The following PLEC variants were observed in gnomAD, a reference collection of about 807,000 sequenced individuals.
PLEC encodes the protein hemidesmosomal protein 1.
In PLEC, 216 loss-of-function variants were observed where a neutral mutation model predicts 392.8. That is an observed-to-expected ratio of 0.55 (90% confidence interval 0.49 to 0.62). The LOEUF (loss-of-function observed/expected upper bound fraction) is 0.62, where lower values mean the gene tolerates loss of function less well. Among genes scored for constraint, PLEC ranks in the 20% least tolerant of loss-of-function variants. PLEC has a pLI of 0.00. For missense variants in PLEC, 6,863 were observed against 6,563.4 expected (o/e 1.05, Z -1.58); for synonymous variants, 3,621 against 2,980.6 (o/e 1.21, Z -7.00).
upstream of PLEC, among the ~76,000 whole-genome samples, chr8:143,952,771 G>T (rs1365610570): frequency 2.6e-5 from 4 of 152,124 alleles, no homozygotes; most frequent in Admixed American, 6.6e-5. Flanking sequence ...GACCCCCGCT[G>T]GGCCGCCACC....
At chr8:143,944,706 A>G (rs782755054) in intron 1 of PLEC, 1 of 1,305,464 alleles carries the variant, frequency 7.7e-7, no homozygotes, top group Admixed American at 3.4e-5. Flanking sequence ...GGAGCGGGCC[A>G]GGGGTGTGGG....
chr8:143,949,139 C>G (rs1171537511), intron 1 of PLEC, among the ~76,000 whole-genome samples: 1 of 152,250 alleles, frequency 6.6e-6, no homozygotes, highest in Non-Finnish European at 1.5e-5. Flanking sequence ...CAGGGCTCCG[C>G]CCAGCATCCC....
At position 143,930,043 on chromosome 8, in the gene PLEC, C is replaced by T; in HGVS notation, c.2632G>A (p.Ala878Thr). ...AVTRLEAQHQ[A>T]LVTLWHQLHV... ...AACTGGTGCCACAGCGTGACCAGGG[C>T]CTGGTGCTGGGCCTCCAGCCTGGCA... Residue 878 changes from alanine to threonine, a missense_variant, in exon 22 of 32, where the codon GCC (alanine) becomes ACC (threonine). Coordinates refer to ENST00000345136, the MANE Select transcript of PLEC (RefSeq NM_201384.3). The T allele has an allele frequency of 6.2e-7, 1 of 1,611,688 alleles. No individual in the cohort carries two copies. The highest frequency in any genetic ancestry group is 8.5e-7 in the Non-Finnish European group (1 of 1,179,788).
At position 143,920,371 on chromosome 8, in the gene PLEC, G is replaced by T; in HGVS notation, c.9450C>A (p.His3150Gln). 1 of 1,594,090 alleles carries T rather than the reference G, an allele frequency of 6.3e-7. No homozygotes were observed. The change falls in exon 32 of 32, where the codon CAC (histidine) becomes CAA (glutamine). Residue 3150 changes from histidine (H) to glutamine (Q), a missense_variant. Physicochemically the swap from His to Gln is conservative, Grantham distance 24. Coordinates refer to ENST00000345136, the MANE Select transcript of PLEC (RefSeq NM_201384.3). Reference protein sequence around the residue: ...TGGIVDPSKSHRVPLDVACAR... With the variant: ...TGGIVDPSKSQRVPLDVACAR... ...CGCAGGCGACATCCAGGGGCACGCG[G>T]TGGCTCTTGCTGGGGTCCACGATGC...
At chr8:143,938,474 G>C (rs557754022) in intron 2 of PLEC, 157 bp downstream of exon 2, 13 of 1,546,546 alleles carry the variant, frequency 8.4e-6, no homozygotes, top group Middle Eastern at 1.7e-4. Flanking sequence ...GGCAGGAGCA[G>C]GCGTAGGGAA....
upstream of PLEC, chr8:143,975,337 G>T: frequency 6.2e-7 from 1 of 1,610,994 alleles, no homozygotes. The surrounding 1 kb of genome is among the most constrained non-coding windows in gnomAD (Gnocchi z 9.9). Context: ...CATCTTCAGA[G>T]ACTGCCCGGA....
intron 25 of PLEC, among the ~76,000 whole-genome samples, chr8:143,928,859 C>T (rs1239850532): frequency 7.2e-5 from 11 of 152,180 alleles, no homozygotes. Context: ...GCTCCACTGT[C>T]TCTTCCCCAC....
chr8:143,943,965 C>T, upstream of PLEC: 1 of 1,561,014 alleles, frequency 6.4e-7, no homozygotes, highest in Non-Finnish European at 8.6e-7. Context: ...CAGCCCCCTC[C>T]CTGCGTGCAG....
At position 143,919,205 on chromosome 8, in the gene PLEC, C is replaced by T. The variant is rs201235310; in HGVS notation, c.10616G>A (p.Arg3539His). ...RCVEDPETGL[R>H]LLPLKGAEKA... ...CTCCGCCCCTTTCAGTGGCAGAAGG[C>T]GCAAGCCCGTCTCGGGGTCCTCCAC... The change falls in exon 32 of 32, where the codon CGC becomes CAC. Residue 3539 changes from arginine to histidine, a missense_variant. By Grantham distance (29) the Arg-to-His change is conservative (BLOSUM62 0). Coordinates refer to ENST00000345136, the MANE Select transcript of PLEC (RefSeq NM_201384.3). 9 of 1,613,630 alleles carry T rather than the reference C, an allele frequency of 5.6e-6. No individual in the cohort carries two copies. Among genetic ancestry groups the T allele is most frequent in the African/African-American group, 1.3e-5 (1 of 74,912 alleles).
In PLEC at chr8:143,927,996, G is replaced by T; in HGVS notation, c.3261-4C>A. On this transcript the variant is annotated splice_region_variant and splice_polypyrimidine_tract_variant and intron_variant, in intron 25 of 31. Transcript: ENST00000345136. ...CACCAGGCTGATGGTCTTGAGCCTG[G>T]CGGGAAAGCGGGGCTCAGGGCCATG... 2 of 1,590,266 alleles carry T rather than the reference G, an allele frequency of 1.3e-6. No individual in the cohort carries two copies. Among genetic ancestry groups the T allele is most frequent in the Non-Finnish European group, 1.7e-6 (2 of 1,163,882 alleles).
chr8:143,921,791 G>C lies in PLEC; in HGVS notation c.8030C>G (p.Thr2677Ser). The change falls in exon 32 of 32, where the codon ACC (threonine) becomes AGC (serine). Residue 2677 changes from threonine to serine, a missense_variant. By Grantham distance (58) the Thr-to-Ser change is moderately conservative. Coordinates refer to ENST00000345136, the MANE Select transcript of PLEC (RefSeq NM_201384.3). ...EELQRLAQGH[T>S]TVDELARRED... Reference sequence around the variant, plus strand: ...CCGCCGTGCGAGCTCGTCCACCGTGGTGTGGCCCTGCGCCAACCGCTGCAG... The same window carrying C: ...CCGCCGTGCGAGCTCGTCCACCGTGCTGTGGCCCTGCGCCAACCGCTGCAG... 1 of 1,610,650 alleles carries C rather than the reference G, an allele frequency of 6.2e-7. No homozygotes were observed. The highest frequency in any genetic ancestry group is 8.5e-7 in the Non-Finnish European group (1 of 1,179,784).
upstream of PLEC, chr8:143,939,632 C>A: frequency 7.0e-7 from 1 of 1,428,014 alleles, no homozygotes; most frequent in Middle Eastern, 2.6e-4. Context: ...GCTGTACTCC[C>A]CGGCGAGGCC....
upstream of PLEC, among the ~76,000 whole-genome samples, chr8:143,955,435 C>T (rs547195270): frequency 1.3e-5 from 2 of 152,280 alleles, no homozygotes; most frequent in South Asian, 4.1e-4. Context: ...GAGCCGAGAT[C>T]GCGCCACTGC....
chr8:143,952,024 C>T (rs1418836912), upstream of PLEC, among the ~76,000 whole-genome samples: 2 of 152,194 alleles, frequency 1.3e-5, no homozygotes, highest in African/African-American at 4.8e-5. Flanking sequence ...GCCCGGCAAA[C>T]CCGGGAACTG....
exon 1 of PLEC, chr8:143,950,374 G>A (rs1554735392): frequency 6.3e-7 from 1 of 1,594,848 alleles, no homozygotes; most frequent in South Asian, 1.1e-5. Context: ...GGGGGGTGCG[G>A]CGTGCGGGCA....
Position 143,932,814 on chromosome 8 carries a change from G to C in PLEC, c.1716C>G (p.Ile572Met). 1.2e-6 allele frequency: 2 copies of C among 1,612,476 alleles called. No homozygotes were observed. The highest frequency in any genetic ancestry group is 1.1e-5 in the South Asian group (1 of 91,052). Residue 572 changes from isoleucine (I) to methionine (M), a missense_variant, in exon 14 of 32, where the codon ATC becomes ATG. Physicochemically the swap from Ile to Met is conservative, Grantham distance 10. Transcript: ENST00000345136. Reference protein sequence around the residue: ...HQSIEEFRAKIERARSDEGQL... With the variant: ...HQSIEEFRAKMERARSDEGQL... ...CCACCTCGTCACTCCGTGCCCGCTC[G>C]ATCTTGGCCCGGAATTCTTCGATGG...
rs782687982 is a variant in PLEC at position 143,925,826 on chromosome 8, G to A, written c.4103C>T (p.Ala1368Val). ...GGCCAGCTGCCGCTGCTTCTCCAGC[G>A]CGGCCTCCACCTCGGCCAGCCGCTC... ...ERERLAEVEA[A>V]LEKQRQLAEA... Residue 1368 changes from alanine to valine, a missense_variant, in exon 31 of 32, where the codon GCG becomes GTG. Coordinates refer to ENST00000345136, the MANE Select transcript of PLEC (RefSeq NM_201384.3). 4.4e-5 allele frequency: 68 copies of A among 1,559,972 alleles called. No individual in the cohort carries two copies. Among genetic ancestry groups the A allele is most frequent in the Non-Finnish European group, 5.3e-5 (62 of 1,160,404 alleles).
chr8:143,959,727 T>C (rs997932690), intron 1 of PLEC, among the ~76,000 whole-genome samples: 4 of 152,262 alleles, frequency 2.6e-5, no homozygotes, highest in Non-Finnish European at 4.4e-5. Flanking sequence ...CCTGGTGTGG[T>C]GGCTCACGCC....
rs367822744 is a variant in PLEC at position 143,935,012 on chromosome 8, T to C, written c.824A>G (p.Asn275Ser). The change falls in exon 8 of 32, where the codon AAC becomes AGC. Residue 275 changes from asparagine to serine, a missense_variant and splice_region_variant. Asn to Ser is a conservative substitution (Grantham distance 46). Coordinates refer to ENST00000345136, the MANE Select transcript of PLEC (RefSeq NM_201384.3). The stretch of plus-strand genomic sequence containing the variant: ...CTGCCCTCCGGGCCCCCCACTCACG[T>C]TGGCCCTCACCCCATCCTGCACGTC... ...VPDVQDGVRA[N>S]ELQLRWQEYR... 1.6e-5 allele frequency: 26 copies of C among 1,612,232 alleles called. No individual in the cohort carries two copies. The African/African-American group carries it at 3.5e-4, about 22-fold the overall frequency.
Sources: allele counts gnomAD v4.1 joint callset (sites outside exome capture counted in the v4.1 genomes callset), GRCh38; gene constraint gnomAD v4.1.1; non-coding constraint Gnocchi (gnomAD v3.1); transcripts MANE v1.5; gene names NCBI Gene and HGNC (gene_info 2026-07-23, HGNC 2026-07-21).